The following ALK variants were observed in gnomAD, a reference collection of about 807,000 sequenced individuals.
The protein encoded by ALK is ALK receptor tyrosine kinase.
A neutral mutation model predicts 163.1 loss-of-function variants in ALK; 74 were observed. The observed-to-expected ratio is 0.45, with a 90% confidence interval of 0.38 to 0.55. The LOEUF (loss-of-function observed/expected upper bound fraction) is 0.55. ALK is among the 20% of genes least tolerant of loss of function. The probability of loss-of-function intolerance (pLI) is 0.00; values close to 1 mark genes in which losing one functional copy is unlikely to be tolerated. For missense variants in ALK, 2,063 were observed against 2,105.3 expected (o/e 0.98, Z 0.39); for synonymous variants, 960 against 843.2 (o/e 1.14, Z -2.40).
intron 26 of ALK, among the ~76,000 whole-genome samples, chr2:29,200,781 A>AG (rs1383029041): frequency 7.3e-6 from 1 of 136,702 alleles, no homozygotes; most frequent in Non-Finnish European, 1.5e-5. Flanking sequence ...ACGTATATAT[A>AG]TGTATATACA....
intron 1 of ALK, among the ~76,000 whole-genome samples, chr2:29,824,511 G>C (rs1665140264): frequency 1.3e-5 from 2 of 152,262 alleles, no homozygotes; most frequent in Non-Finnish European, 2.9e-5. Context: ...CACTGAGGCA[G>C]AGCTGTCCGA....
At chr2:29,290,869 G>A (rs369023516) in intron 9 of ALK, among the ~76,000 whole-genome samples, 6 of 152,262 alleles carry the variant, frequency 3.9e-5, no homozygotes, top group African/African-American at 1.4e-4. Flanking sequence ...AGGATAAGGG[G>A]AGACTCCAGC....
At chr2:29,828,711 T>C (rs987493276) in intron 1 of ALK, among the ~76,000 whole-genome samples, 1 of 152,160 alleles carries the variant, frequency 6.6e-6, no homozygotes, top group South Asian at 2.1e-4. Context: ...TTTTACACTG[T>C]TGGTGGGACT....
chr2:29,620,011 AT>A (rs1344319938), intron 3 of ALK, among the ~76,000 whole-genome samples: 3 of 152,222 alleles, frequency 2.0e-5, no homozygotes, highest in African/African-American at 7.2e-5. Flanking sequence ...TTCTGGGTTC[AT>A]TACTTGGCTC....
chr2:29,709,961 T>A (rs916838023), intron 2 of ALK, among the ~76,000 whole-genome samples: 4 of 152,170 alleles, frequency 2.6e-5, no homozygotes, highest in Non-Finnish European at 5.9e-5. Flanking sequence ...TTGATATGAT[T>A]TGTCTGTGCC....
chr2:29,778,816 C>T (rs1357849484), intron 1 of ALK, among the ~76,000 whole-genome samples: 3 of 152,130 alleles, frequency 2.0e-5, no homozygotes, highest in Non-Finnish European at 4.4e-5. Flanking sequence ...CTGAACCCCC[C>T]GTGCGTCCTG....
intron 1 of ALK, among the ~76,000 whole-genome samples, chr2:29,770,740 T>C (rs1022719614): frequency 4.6e-5 from 7 of 151,930 alleles, no homozygotes; most frequent in Non-Finnish European, 1.0e-4. Context: ...GGTTATAAGA[T>C]AAAGAGATAG....
rs144458744 is a variant in ALK, at chr2:29,386,977, G to A, written c.1155-3118C>T. ...ATTAGGGTCCTGCTTTTGTCCCTTC[G>A]GCTGGTGGCAATTCTACTTAGGCTT... is the stretch of plus-strand genomic sequence containing the variant. On this transcript the variant is annotated intron_variant, in intron 4 of 28. Transcript: ENST00000389048. Among the ~76,000 whole-genome samples, 141 of 152,268 alleles carry A rather than the reference G, an allele frequency of 9.3e-4. 1 individual carries two copies. Among genetic ancestry groups the A allele is most frequent in the African/African-American group, 3.0e-3 (126 of 41,552 alleles).
chr2:29,790,377 T>G (rs1251433306), intron 1 of ALK, among the ~76,000 whole-genome samples: 1 of 151,958 alleles, frequency 6.6e-6, no homozygotes, highest in Non-Finnish European at 1.5e-5. Flanking sequence ...CTTGAAAAAA[T>G]GTTAATCTAT....
At chr2:29,773,083 T>G (rs1681070233) in intron 1 of ALK, among the ~76,000 whole-genome samples, 1 of 152,224 alleles carries the variant, frequency 6.6e-6, no homozygotes, top group Admixed American at 6.5e-5. Flanking sequence ...ATTTGTTAAT[T>G]ACAACCATAT....
intron 8 of ALK, among the ~76,000 whole-genome samples, chr2:29,307,681 G>A (rs1290540413): frequency 3.3e-5 from 5 of 152,166 alleles, no homozygotes. Flanking sequence ...CCATCTTCTA[G>A]TTCACCTGGA....
intron 11 of ALK, among the ~76,000 whole-genome samples, chr2:29,274,077 G>C (rs537671469): frequency 6.6e-6 from 1 of 152,320 alleles, no homozygotes; most frequent in Non-Finnish European, 1.5e-5. Context: ...CTGGCAGCTG[G>C]ATTAGATCAG....
At chr2:29,683,056 C>T (rs561027315) in intron 3 of ALK, among the ~76,000 whole-genome samples, 4 of 152,254 alleles carry the variant, frequency 2.6e-5, no homozygotes, top group South Asian at 2.1e-4. Context: ...TATGTACTTA[C>T]GAGTAATACT....
chr2:29,853,758 G>C (rs2148402438), intron 1 of ALK, among the ~76,000 whole-genome samples: 1 of 152,052 alleles, frequency 6.6e-6, no homozygotes, highest in South Asian at 2.1e-4. Flanking sequence ...GGGCTCCCCA[G>C]CCTCCCATAC....
At chr2:29,247,652 C>T (rs772325092) in intron 12 of ALK, among the ~76,000 whole-genome samples, 1 of 152,192 alleles carries the variant, frequency 6.6e-6, no homozygotes, top group Non-Finnish European at 1.5e-5. Context: ...GGGGGTGTTT[C>T]CAACTGTGTA....
intron 3 of ALK, among the ~76,000 whole-genome samples, chr2:29,610,273 G>A (rs1170919767): frequency 6.6e-6 from 1 of 152,192 alleles, no homozygotes; most frequent in East Asian, 1.9e-4. Flanking sequence ...GATGGCTGAT[G>A]ACTTGCTGTT....
chr2:29,472,879 A>C (rs4426490), intron 4 of ALK, among the ~76,000 whole-genome samples: 76,613 of 151,742 alleles, frequency 0.5, 20,393 homozygotes, highest in South Asian at 0.62. Flanking sequence ...ATAAATGAAA[A>C]TTTATCATGT....
chr2:29,753,376 G>A (rs111236945), intron 1 of ALK, among the ~76,000 whole-genome samples: 3 of 152,182 alleles, frequency 2.0e-5, no homozygotes, highest in Non-Finnish European at 2.9e-5. Context: ...TAAGTTACGG[G>A]GGGGAGCACG....
At chr2:29,549,183 C>T (rs1673651118) in intron 3 of ALK, among the ~76,000 whole-genome samples, 1 of 151,994 alleles carries the variant, frequency 6.6e-6, no homozygotes, top group African/African-American at 2.4e-5. Flanking sequence ...CGGACACACA[C>T]ATGCACAGGT....
Sources: gnomAD v4.1 joint callset for allele counts (sites outside exome capture counted in the v4.1 genomes callset) on GRCh38, gnomAD v4.1.1 for gene constraint, MANE v1.5 for transcripts, NCBI Gene and HGNC (gene_info 2026-07-23, HGNC 2026-07-21) for gene names.